Variants in SCIMP observed in about 807,000 individuals in gnomAD.
SCIMP encodes SLP adaptor and CSK interacting membrane protein.
Under a neutral mutation model 22.0 loss-of-function variants are expected in SCIMP, and 18 were observed. The ratio of observed to expected loss-of-function variants is 0.82; its 90% confidence interval spans 0.56 to 1.21. SCIMP has a LOEUF of 1.21. Ranked by LOEUF, SCIMP falls within the 50% of genes most tolerant of loss-of-function variation. The probability of loss-of-function intolerance (pLI) is 0.00; values close to 1 mark genes in which losing one functional copy is unlikely to be tolerated. For synonymous variants in SCIMP, 53 were observed against 62.2 expected, an observed-to-expected ratio of 0.85 and a Z score of 0.70; for missense variants, 155 against 171.2, an observed-to-expected ratio of 0.91 and a Z score of 0.53.
intron 3 of SCIMP, among the ~76,000 whole-genome samples, chr17:5,220,751 A>G (rs1293027388): frequency 1.3e-5 from 2 of 149,646 alleles, no homozygotes; most frequent in Non-Finnish European, 3.0e-5. Context: ...CTCAAAAAAT[A>G]AAAATAAAAA....
chr17:5,231,731 C>T (rs1401624872), intron 1 of SCIMP, among the ~76,000 whole-genome samples: 1 of 152,184 alleles, frequency 6.6e-6, no homozygotes, highest in South Asian at 2.1e-4. Context: ...ACTTGGCTGC[C>T]TCATGAATAA....
At chr17:5,215,060 T>C in intron 3 of SCIMP, 62 bp from the exon 4 acceptor site, 1 of 1,028,474 alleles carries the variant, frequency 9.7e-7, no homozygotes, top group South Asian at 1.3e-5. Context: ...TCCCAGCCGA[T>C]TTAAGAGAAA....
chr17:5,218,000 A>G (rs2074578193), intron 3 of SCIMP, among the ~76,000 whole-genome samples: 1 of 151,958 alleles, frequency 6.6e-6, no homozygotes, highest in Non-Finnish European at 1.5e-5. Context: ...TGACTTCCAC[A>G]ATGGTTGAAC....
chr17:5,233,859 C>T (rs1189393808), intron 1 of SCIMP: 1 of 152,202 alleles, frequency 6.6e-6, no homozygotes, highest in East Asian at 1.9e-4. Context: ...AGAACTCACG[C>T]CAGCCCAACA....
At position 5,223,631 on chromosome 17, in the gene SCIMP, C is replaced by T. The variant is rs1348561529; in HGVS notation, c.22-175G>A. On this transcript the variant is annotated intron_variant, in intron 1 of 4. Coordinates refer to ENST00000574081, the MANE Select transcript of SCIMP (RefSeq NM_207103.3). ...GATCTCAGCTCTCAGCTCACTGCAA[C>T]CTCCACCTCCCGGGTTCAAGTGATT... 1.7e-5 allele frequency: 10 copies of T among 574,806 alleles called. No homozygotes were observed. In the East Asian group the frequency reaches 3.3e-4, roughly 19 times the overall value. 35.6% of individuals were successfully genotyped at this position (574,806 alleles called of 1,614,324 possible). A position where few individuals can be genotyped will look rare whatever the true frequency, so the allele number is the denominator to read the frequency against.
rs1436490275 is a variant in SCIMP, at chr17:5,221,579, T to C, written c.146-229A>G. Among the ~76,000 whole-genome samples the C allele has an allele frequency of 1.5e-4, 23 of 152,140 alleles. 1 individual carries two copies. The highest frequency in any genetic ancestry group is 3.4e-4 in the Non-Finnish European group (23 of 68,026). On this transcript the variant is annotated intron_variant, in intron 2 of 4. Transcript: ENST00000574081. ...GCACTTAGGTGGCACTTAGAAATGT[T>C]GGCTGAATGAATAATCAAAAGTGTG...
intron 1 of SCIMP, among the ~76,000 whole-genome samples, chr17:5,225,762 G>GAA (rs140142974): frequency 2.4e-4 from 30 of 127,044 alleles, no homozygotes; most frequent in Middle Eastern, 3.8e-3. Flanking sequence ...GATTCCATCT[G>GAA]AAAAAAAAAA....
chr17:5,215,778 T>A (rs2074561387), intron 3 of SCIMP, among the ~76,000 whole-genome samples: 1 of 152,210 alleles, frequency 6.6e-6, no homozygotes, highest in African/African-American at 2.4e-5. Context: ...ACACTATTCA[T>A]AACAGCTCTG....
intron 3 of SCIMP, 138 bp downstream of exon 3, chr17:5,221,149 T>A (rs770488994): frequency 6.0e-4 from 440 of 739,128 alleles, no homozygotes; most frequent in Non-Finnish European, 9.1e-4. Flanking sequence ...GTGGAGAGAT[T>A]TGGCAGGTGT....
intron 1 of SCIMP, among the ~76,000 whole-genome samples, chr17:5,227,467 C>G (rs1043889269): frequency 6.6e-6 from 1 of 152,110 alleles, no homozygotes; most frequent in Non-Finnish European, 1.5e-5. Context: ...CCGCATGCCT[C>G]GGCCTCCCAA....
chr17:5,220,739 A>G (rs1337992728), intron 3 of SCIMP, among the ~76,000 whole-genome samples: 1 of 150,504 alleles, frequency 6.6e-6, no homozygotes, highest in Non-Finnish European at 1.5e-5. Context: ...GTGAGACTCC[A>G]TCTCAAAAAA....
intron 4 of SCIMP, chr17:5,214,084 C>T (rs1261027945): frequency 6.6e-6 from 1 of 152,242 alleles, no homozygotes; most frequent in Admixed American, 6.6e-5. Context: ...TTTGTGGGGA[C>T]ATAGCAAGAA....
chr17:5,218,875 T>G (rs1211104313), intron 3 of SCIMP, among the ~76,000 whole-genome samples: 1 of 152,288 alleles, frequency 6.6e-6, no homozygotes, highest in East Asian at 1.9e-4. Context: ...ACTCCCACTT[T>G]GGCAAAGTGC....
At chr17:5,222,449 G>A (rs1165037018) in intron 2 of SCIMP, among the ~76,000 whole-genome samples, 3 of 152,050 alleles carry the variant, frequency 2.0e-5, no homozygotes, top group South Asian at 2.1e-4. Flanking sequence ...TAAAGCTTTC[G>A]TGTTTCTGGA....
At chr17:5,213,722 C>T (rs1425253396) in intron 4 of SCIMP, 2 of 152,280 alleles carry the variant, frequency 1.3e-5, no homozygotes, top group Middle Eastern at 3.4e-3. Flanking sequence ...GTGGTGCACG[C>T]CTATAATCCC....
chr17:5,232,364 GTAAACAGTGCAGTATAAACAGTGCAGTA>G (rs768543079), intron 1 of SCIMP, among the ~76,000 whole-genome samples: 1 of 7,154 alleles, frequency 1.4e-4, no homozygotes, highest in Non-Finnish European at 3.4e-4. Flanking sequence ...ACAGTGCAGT[GTAAACAGTGCAGTATAAACAGTGCAGTA>G]TAAACAGTAT....
intron 2 of SCIMP, among the ~76,000 whole-genome samples, chr17:5,222,123 A>G (rs2074612930): frequency 7.2e-6 from 1 of 138,894 alleles, no homozygotes; most frequent in Non-Finnish European, 1.5e-5. Flanking sequence ...GGAGTCTCAC[A>G]CTGTCGCCCA....
chr17:5,213,128 A>C (rs968314144), intron 4 of SCIMP: 1 of 979,996 alleles, frequency 1.0e-6, no homozygotes, highest in African/African-American at 1.8e-5. Flanking sequence ...ATAGGAAGTG[A>C]AAGGCCTAGT....
chr17:5,215,056 C>T, intron 3 of SCIMP, 58 bp from the exon 4 acceptor site: 2 of 1,056,352 alleles, frequency 1.9e-6, no homozygotes, highest in Non-Finnish European at 3.0e-6. Context: ...CTGCTCCCAG[C>T]CGATTTAAGA....
Sources: gnomAD v4.1 joint callset for allele counts (sites outside exome capture counted in the v4.1 genomes callset) on GRCh38, gnomAD v4.1.1 for gene constraint, MANE v1.5 for transcripts, NCBI Gene and HGNC (gene_info 2026-07-23, HGNC 2026-07-21) for gene names.